The following DAB1 variants were observed in gnomAD, a reference collection of about 807,000 sequenced individuals.
DAB1 encodes the protein DAB adaptor protein 1.
A neutral mutation model predicts 64.6 loss-of-function variants in DAB1; 15 were observed. The ratio of observed to expected loss-of-function variants is 0.23; its 90% CI spans 0.16 to 0.36. The LOEUF is 0.36. DAB1 is among the 10% of genes least tolerant of loss of function. DAB1 has a pLI of 1.00. For missense variants in DAB1, 596 were observed against 706.7 expected (o/e 0.84, Z 1.78); for synonymous variants, 235 against 251.9 (o/e 0.93, Z 0.64).
intron 5 of DAB1, among the ~76,000 whole-genome samples, chr1:57,902,360 C>T (rs759232953): frequency 2.0e-5 from 3 of 151,742 alleles, no homozygotes; most frequent in Non-Finnish European, 2.9e-5. Context: ...TCTTGTTTAC[C>T]CCCAAATTAT....
chr1:57,564,644 T>C (rs1645095238), intron 7 of DAB1, among the ~76,000 whole-genome samples: 1 of 152,152 alleles, frequency 6.6e-6, no homozygotes, highest in Admixed American at 6.5e-5. Context: ...ATGCACAAGC[T>C]TCAGAAGCCA....
intron 1 of DAB1, chr1:58,534,022 A>G (rs1248073208): frequency 2.3e-6 from 2 of 871,670 alleles, no homozygotes; most frequent in Non-Finnish European, 4.0e-6. Flanking sequence ...TATCGGTTAC[A>G]CTATTTAAAA....
At chr1:58,471,425 G>A (rs1309130545) in intron 3 of DAB1, among the ~76,000 whole-genome samples, 2 of 152,138 alleles carry the variant, frequency 1.3e-5, no homozygotes, top group African/African-American at 2.4e-5. Flanking sequence ...CCCTGGCTTA[G>A]GTGAACAGCA....
At chr1:58,163,880 A>G (rs908968588) in intron 4 of DAB1, among the ~76,000 whole-genome samples, 2 of 152,164 alleles carry the variant, frequency 1.3e-5, no homozygotes, top group African/African-American at 4.8e-5. Context: ...CATAGCTCAC[A>G]AGAAAAAGCA....
rs563801351 is a variant in DAB1, at chr1:57,384,322, G to A, written c.-137+39608C>T. On this transcript the variant is annotated intron_variant, in intron 1 of 14. Coordinates refer to ENST00000371236, the MANE Select transcript of DAB1 (RefSeq NM_001365792.1). ...AAACCACTGGTGGGAAAGTTAAATG[G>A]TGCAGCCACTATGGAAAACAGTATG... 5.3e-5 allele frequency among the ~76,000 whole-genome samples: 8 copies of A among 152,156 alleles called. No individual in the cohort carries two copies. In the South Asian group the frequency reaches 1.4e-3, roughly 28 times the overall value.
intron 6 of DAB1, among the ~76,000 whole-genome samples, chr1:57,659,427 A>G (rs899023088): frequency 6.6e-6 from 1 of 152,212 alleles, no homozygotes; most frequent in Non-Finnish European, 1.5e-5. Context: ...AAGGAAAGCA[A>G]ATCATGCTGC....
chr1:57,751,544 T>G (rs1041849134), intron 6 of DAB1, among the ~76,000 whole-genome samples: 1 of 152,094 alleles, frequency 6.6e-6, no homozygotes, highest in East Asian at 1.9e-4. Context: ...TTGGTGACTT[T>G]TAACTACAAG....
At chr1:58,014,946 T>C (rs114152634) in intron 5 of DAB1, among the ~76,000 whole-genome samples, 1 of 152,332 alleles carries the variant, frequency 6.6e-6, no homozygotes, top group African/African-American at 2.4e-5. Flanking sequence ...AGTTTCTTTA[T>C]AGCAGTTTCC....
chr1:57,273,702 G>A (rs965721419), intron 2 of DAB1, among the ~76,000 whole-genome samples: 8 of 146,604 alleles, frequency 5.5e-5, no homozygotes, highest in Admixed American at 2.1e-4. Context: ...TCCCCTAGCC[G>A]CCCCTGGCTG....
intron 5 of DAB1, among the ~76,000 whole-genome samples, chr1:58,053,465 G>A (rs1647841779): frequency 5.3e-5 from 8 of 152,088 alleles, no homozygotes; most frequent in Admixed American, 4.6e-4. Context: ...ACCAACTCTC[G>A]AAGGAACTTT....
chr1:57,081,635 C>A (rs183873134), intron 4 of DAB1, among the ~76,000 whole-genome samples: 140 of 151,304 alleles, frequency 9.3e-4, no homozygotes, highest in African/African-American at 2.3e-3. Flanking sequence ...TCGCTTGCAA[C>A]TGAGAGATTT....
At chr1:57,702,163 G>C (rs540947268) in intron 6 of DAB1, among the ~76,000 whole-genome samples, 1 of 152,158 alleles carries the variant, frequency 6.6e-6, no homozygotes, top group Admixed American at 6.6e-5. Flanking sequence ...TTGCTTAGAG[G>C]CTCTTTGCAA....
At chr1:58,496,263 C>T (rs1645800820) in intron 3 of DAB1, among the ~76,000 whole-genome samples, 1 of 151,898 alleles carries the variant, frequency 6.6e-6, no homozygotes, top group South Asian at 2.1e-4. Flanking sequence ...ATCAATTCTG[C>T]TCTTTACAGC....
intron 7 of DAB1, among the ~76,000 whole-genome samples, chr1:57,466,783 G>GT (rs746949400): frequency 2.0e-5 from 3 of 152,082 alleles, no homozygotes; most frequent in Admixed American, 6.6e-5. Flanking sequence ...TTCCTTGCTG[G>GT]TTGTCAGCCA....
chr1:57,987,632 G>T (rs1187994), intron 5 of DAB1, among the ~76,000 whole-genome samples: 4 of 151,866 alleles, frequency 2.6e-5, no homozygotes, highest in Non-Finnish European at 5.9e-5. Flanking sequence ...GAGGTCCAAA[G>T]GAATGCTAAA....
intron 7 of DAB1, among the ~76,000 whole-genome samples, chr1:57,539,753 G>C (rs545305882): frequency 7.5e-4 from 114 of 152,298 alleles, no homozygotes; most frequent in African/African-American, 2.7e-3. Context: ...AAAGGCCAAA[G>C]ATCATCTCCA....
intron 3 of DAB1, among the ~76,000 whole-genome samples, chr1:58,472,014 A>G (rs1379600437): frequency 6.6e-6 from 1 of 152,252 alleles, no homozygotes; most frequent in Non-Finnish European, 1.5e-5. Flanking sequence ...CAAAGTGTTT[A>G]GTAGAGTTCC....
intron 3 of DAB1, among the ~76,000 whole-genome samples, chr1:58,411,727 C>T (rs1644670445): frequency 6.6e-6 from 1 of 152,192 alleles, no homozygotes; most frequent in African/African-American, 2.4e-5. Flanking sequence ...TATGACCTAG[C>T]CACTTCCTTT....
At chr1:57,430,881 G>A (rs1685478588) in intron 7 of DAB1, among the ~76,000 whole-genome samples, 1 of 145,160 alleles carries the variant, frequency 6.9e-6, no homozygotes. Flanking sequence ...TCTATACCAG[G>A]CACAATGTTA....
Sources: allele counts gnomAD v4.1 joint callset (sites outside exome capture counted in the v4.1 genomes callset), GRCh38; gene constraint gnomAD v4.1.1; transcripts MANE v1.5; gene names NCBI Gene and HGNC (gene_info 2026-07-23, HGNC 2026-07-21).